The following ADAM12 variants were observed in gnomAD, a reference collection of about 807,000 sequenced individuals.
ADAM12 encodes the protein disintegrin and metalloproteinase domain-containing protein 12.
A neutral mutation model predicts 106.4 loss-of-function variants in ADAM12; 70 were observed. The ratio of observed to expected loss-of-function variants is 0.66; its 90% CI spans 0.54 to 0.80. The LOEUF is 0.80. Ranked by LOEUF, ADAM12 falls within the 30% of genes least tolerant of loss-of-function variation. The pLI is 0.00. For synonymous variants in ADAM12, 420 were observed against 433.5 expected, an observed-to-expected ratio of 0.97 and a Z score of 0.39; for missense variants, 1,010 against 1,171.9, an observed-to-expected ratio of 0.86 and a Z score of 2.02.
intron 17 of ADAM12, among the ~76,000 whole-genome samples, chr10:126,045,052 G>A (rs1316959546): frequency 2.0e-5 from 3 of 152,124 alleles, no homozygotes; most frequent in African/African-American, 2.4e-5. Flanking sequence ...GGGCCTCTCC[G>A]CTCCCATGTG....
chr10:126,051,588 T>TCCATCCATCCAGCCAGCCAG (rs1281562847), intron 14 of ADAM12, among the ~76,000 whole-genome samples: 16 of 124,310 alleles, frequency 1.3e-4, no homozygotes, highest in African/African-American at 3.4e-4. Context: ...CATCCATCCA[T>TCCATCCATCCAGCCAGCCAG]CCAGCCAGCC....
intron 5 of ADAM12, among the ~76,000 whole-genome samples, chr10:126,129,571 G>T (rs1956267369): frequency 1.3e-5 from 2 of 152,214 alleles, no homozygotes; most frequent in Non-Finnish European, 2.9e-5. Flanking sequence ...TGGCAGGAAT[G>T]AGAGCACCAA....
At chr10:126,124,503 C>T (rs936488330) in intron 5 of ADAM12, among the ~76,000 whole-genome samples, 1 of 152,108 alleles carries the variant, frequency 6.6e-6, no homozygotes, top group Non-Finnish European at 1.5e-5. Context: ...AGACCCCTTG[C>T]CCGTGGCTCC....
intron 1 of ADAM12, among the ~76,000 whole-genome samples, chr10:126,349,804 G>A (rs1344307496): frequency 6.6e-6 from 1 of 152,086 alleles, no homozygotes; most frequent in Non-Finnish European, 1.5e-5. Flanking sequence ...CTATAACAAT[G>A]CAAATACTAT....
At chr10:126,322,114 T>C (rs981839123) in intron 2 of ADAM12, among the ~76,000 whole-genome samples, 3 of 152,244 alleles carry the variant, frequency 2.0e-5, no homozygotes, top group African/African-American at 7.2e-5. Context: ...AGATTTTTCA[T>C]GACACATGAA....
At chr10:126,091,895 G>A (rs1044273666) in intron 11 of ADAM12, among the ~76,000 whole-genome samples, 1 of 150,148 alleles carries the variant, frequency 6.7e-6, no homozygotes, top group African/African-American at 2.5e-5. Flanking sequence ...GTGAACAAGT[G>A]GGTGGAGAGA....
chr10:126,104,474 GAA>G (rs1476045776), intron 8 of ADAM12, among the ~76,000 whole-genome samples: 2 of 150,292 alleles, frequency 1.3e-5, no homozygotes, highest in African/African-American at 2.4e-5. Context: ...AAGAAAGAAA[GAA>G]AGAAAAGAAA....
intron 3 of ADAM12, among the ~76,000 whole-genome samples, chr10:126,267,827 T>A (rs2366470): frequency 1.5e-5 from 2 of 135,918 alleles, no homozygotes; most frequent in Non-Finnish European, 3.1e-5. Context: ...TGGGGGGCGG[T>A]GGGGGTGGAT....
chr10:126,191,019 TCAGA>T (rs1306781085), intron 3 of ADAM12, among the ~76,000 whole-genome samples: 5 of 136,602 alleles, frequency 3.7e-5, no homozygotes, highest in Non-Finnish European at 7.6e-5. Context: ...TTTTTTTTTT[TCAGA>T]CAGAGTCTTG....
intron 3 of ADAM12, among the ~76,000 whole-genome samples, chr10:126,191,364 G>A (rs58801251): frequency 0.031 from 4,652 of 152,164 alleles, 242 homozygotes; most frequent in African/African-American, 0.11. Flanking sequence ...CCTTCCAGCT[G>A]CTGAGTGGAG....
At chr10:126,352,526 G>A (rs1330330676) in intron 1 of ADAM12, among the ~76,000 whole-genome samples, 2 of 152,204 alleles carry the variant, frequency 1.3e-5, no homozygotes, top group Non-Finnish European at 2.9e-5. Flanking sequence ...GTTCTCAAAT[G>A]ACACCAAGTT....
chr10:126,121,077 T>A (rs1163776542), intron 5 of ADAM12, among the ~76,000 whole-genome samples: 1 of 92,710 alleles, frequency 1.1e-5, no homozygotes, highest in Non-Finnish European at 2.0e-5. Flanking sequence ...AAATATATTA[T>A]ATATTAGATG....
Position 126,014,428 on chromosome 10 carries a change from C to A in ADAM12, c.*2851G>T, listed in dbSNP as rs1400202047. The A allele has an allele frequency of 4.5e-4, 1 of 2,238 alleles. No homozygotes were observed. Among genetic ancestry groups the A allele is most frequent in the African/African-American group, 2.2e-3 (1 of 452 alleles). 0.1% of individuals were successfully genotyped at this position (2,238 alleles called of 1,614,324 possible). A position where few individuals can be genotyped will look rare whatever the true frequency, so the allele number is the denominator to read the frequency against. The stretch of plus-strand genomic sequence containing the variant: ...TAAAGTTAAGAAGGCATAAAAATGC[C>A]CCCCCCCCGAGACTCGTCAGGAGTA... On this transcript the variant is annotated 3_prime_UTR_variant, in exon 23 of 23. Coordinates refer to ENST00000448723, the MANE Select transcript of ADAM12 (RefSeq NM_001288973.2).
At chr10:126,135,492 C>T in intron 5 of ADAM12, 92 bp downstream of exon 5, 1 of 1,257,998 alleles carries the variant, frequency 7.9e-7, no homozygotes. Context: ...CCCCATCACT[C>T]ACTCTCAGTG....
chr10:126,207,865 CA>C (rs1957824888), intron 3 of ADAM12, among the ~76,000 whole-genome samples: 1 of 151,972 alleles, frequency 6.6e-6, no homozygotes, highest in African/African-American at 2.4e-5. Flanking sequence ...GATAAGATTA[CA>C]AAAATATACA....
rs1461047876 is a variant in ADAM12, at chr10:126,066,403, A to C, written c.1413+314T>G. ...TTCTCGCCTTGCTCTTCTTGTCAGC[A>C]TAGTAGAACCCCATGTGCCTCTGAC... On this transcript the variant is annotated intron_variant, in intron 13 of 22. Coordinates refer to ENST00000448723, the MANE Select transcript of ADAM12 (RefSeq NM_001288973.2). This position sits in a 1 kb window ranked among gnomAD's most constrained non-coding sequence, Gnocchi z 5.1. Among the ~76,000 whole-genome samples the C allele has an allele frequency of 6.6e-6, 1 of 152,244 alleles. No homozygotes were observed. The highest frequency in any genetic ancestry group is 2.4e-5 in the African/African-American group (1 of 41,460).
intron 21 of ADAM12, among the ~76,000 whole-genome samples, chr10:126,020,716 C>T (rs371822764): frequency 6.6e-6 from 1 of 152,012 alleles, no homozygotes; most frequent in African/African-American, 2.4e-5. Flanking sequence ...AACGGCGGGG[C>T]GTGGTAGCTC....
At chr10:126,273,195 T>C (rs1028678984) in intron 3 of ADAM12, 1 of 153,618 alleles carries the variant, frequency 6.5e-6, no homozygotes, top group Non-Finnish European at 1.5e-5. Flanking sequence ...GAATATCCCA[T>C]GTGCCAGTCC....
At chr10:126,357,913 A>G (rs1590821324) in intron 1 of ADAM12, among the ~76,000 whole-genome samples, 1 of 152,342 alleles carries the variant, frequency 6.6e-6, no homozygotes, top group East Asian at 1.9e-4. Flanking sequence ...TGAATTCTAC[A>G]AACATTTACA....
Sources: allele counts gnomAD v4.1 joint callset (sites outside exome capture counted in the v4.1 genomes callset), GRCh38; gene constraint gnomAD v4.1.1; non-coding constraint Gnocchi (gnomAD v3.1); transcripts MANE v1.5; gene names NCBI Gene and HGNC (gene_info 2026-07-23, HGNC 2026-07-21).